ZFYVE1: variants seen among roughly 807,000 people sequenced by gnomAD.
The protein encoded by ZFYVE1 is zinc finger FYVE domain-containing protein 1.
A neutral mutation model predicts 74.4 loss-of-function variants in ZFYVE1; 30 were observed. The observed-to-expected ratio is 0.40, with a 90% CI of 0.30 to 0.55. ZFYVE1 has a LOEUF of 0.55. Among genes scored for constraint, ZFYVE1 ranks in the 20% least tolerant of loss-of-function variants. The probability of loss-of-function intolerance (pLI) is 0.42; values close to 1 mark genes in which losing one functional copy is unlikely to be tolerated. For missense variants in ZFYVE1, 703 were observed against 1,011.6 expected (o/e 0.69, Z 4.14); for synonymous variants, 335 against 385.1 (o/e 0.87, Z 1.52).
chr14:72,970,778 GAC>G lies in ZFYVE1; in HGVS notation c.*102_*103del. The G allele has an allele frequency of 7.9e-7, 1 of 1,259,812 alleles. No homozygotes were observed. The highest frequency in any genetic ancestry group is 1.1e-6 in the Non-Finnish European group (1 of 903,010). The allele number at this position is 1,259,812 out of a possible 1,614,324, so 78.0% of individuals were successfully genotyped here. On this transcript the variant is annotated 3_prime_UTR_variant, in exon 12 of 12. Transcript: ENST00000556143. ...GTGGCCCTGGATGCGGAGAGGAGAG[GAC>G]ACACACCACAGCAGGTGACTGGGAG... is the stretch of plus-strand genomic sequence containing the variant.
intron 2 of ZFYVE1, among the ~76,000 whole-genome samples, chr14:73,002,210 C>T (rs1318711059): frequency 6.6e-6 from 1 of 151,956 alleles, no homozygotes; most frequent in Non-Finnish European, 1.5e-5. Context: ...TTATATGAAA[C>T]GTCCAGAGCA....
At chr14:72,973,951 T>C (rs902577846) in intron 11 of ZFYVE1, 129 bp downstream of exon 11, 18 of 704,458 alleles carry the variant, frequency 2.6e-5, no homozygotes, top group Non-Finnish European at 3.9e-5. Flanking sequence ...ATGTGTGGCA[T>C]TGTGTAATTG....
chr14:72,994,322 C>CAAAAAAAAAAAAAAAAAA, intron 3 of ZFYVE1, among the ~76,000 whole-genome samples: 1 of 31,126 alleles, frequency 3.2e-5, no homozygotes, highest in Non-Finnish European at 5.7e-5. Flanking sequence ...GACGCTGTCT[C>CAAAAAAAAAAAAAAAAAA]AAAAAAAAAA....
chr14:72,986,702 G>A (rs918932018), intron 4 of ZFYVE1, among the ~76,000 whole-genome samples: 2 of 151,434 alleles, frequency 1.3e-5, no homozygotes, highest in East Asian at 1.9e-4. Flanking sequence ...CTGATTTTTT[G>A]TATTTTTAAT....
intron 5 of ZFYVE1, among the ~76,000 whole-genome samples, chr14:72,980,267 G>C (rs1004712763): frequency 2.0e-5 from 3 of 152,232 alleles, no homozygotes; most frequent in African/African-American, 7.2e-5. Flanking sequence ...ATTCATAACA[G>C]ATGTAGGTCA....
intron 2 of ZFYVE1, among the ~76,000 whole-genome samples, chr14:73,015,068 T>C (rs1309696271): frequency 6.6e-6 from 1 of 151,320 alleles, no homozygotes; most frequent in African/African-American, 2.4e-5. Context: ...CCGTCTCTAC[T>C]AAAAATACAA....
chr14:73,004,953 G>A (rs564015443), intron 2 of ZFYVE1, among the ~76,000 whole-genome samples: 11 of 146,400 alleles, frequency 7.5e-5, no homozygotes, highest in Non-Finnish European at 1.2e-4. Flanking sequence ...CCGAGATCAC[G>A]CCACTGTACT....
Position 72,975,408 on chromosome 14 carries a change from TC to T in ZFYVE1, c.1806+142del. 1 of 1,059,802 alleles carries T rather than the reference TC, an allele frequency of 9.4e-7. No homozygotes were observed. Among genetic ancestry groups the T allele is most frequent in the Non-Finnish European group, 1.3e-6 (1 of 742,592 alleles). 65.6% of individuals were successfully genotyped at this position (1,059,802 alleles called of 1,614,324 possible). A position where few individuals can be genotyped will look rare whatever the true frequency, so the allele number is the denominator to read the frequency against. On this transcript the variant is annotated intron_variant, in intron 9 of 11. Coordinates refer to ENST00000556143, the MANE Select transcript of ZFYVE1 (RefSeq NM_021260.4). The surrounding 1 kb of genome is among the most constrained non-coding windows in gnomAD (Gnocchi z 4.1). ...AGAAACTGGCTGCCTCAACGACTCC[TC>T]CCCTTGCCGGTACTCACAGAGCTCA... is the stretch of plus-strand genomic sequence containing the variant.
At chr14:73,016,210 G>C (rs183100155) in intron 2 of ZFYVE1, among the ~76,000 whole-genome samples, 36 of 152,234 alleles carry the variant, frequency 2.4e-4, no homozygotes, top group African/African-American at 8.7e-4. Flanking sequence ...TATTTATTAT[G>C]ACCTCTAAAT....
In ZFYVE1 at chr14:72,998,199, AGT is replaced by A. The variant is rs750762283; in HGVS notation, c.598_599del (p.Thr200PhefsTer6). The stretch of plus-strand genomic sequence containing the variant: ...TAAAGACTTCACGACCATAAAAGAA[AGT>A]GTGGTTGAGAGTATGAGACTTTCCA... Reference protein sequence around the residue: ...GDGKSHTLNHTFFYGREVFKT... With the variant: ...GDGKSHTLNHXFFYGREVFKT... On this transcript the variant is annotated frameshift_variant, in exon 3 of 12. Coordinates refer to ENST00000556143, the MANE Select transcript of ZFYVE1 (RefSeq NM_021260.4). LOFTEE classifies it high-confidence loss of function. 6.2e-7 allele frequency: 1 copy of A among 1,613,840 alleles called. No homozygotes were observed. Among genetic ancestry groups the A allele is most frequent in the Non-Finnish European group, 8.5e-7 (1 of 1,179,996 alleles).
intron 4 of ZFYVE1, among the ~76,000 whole-genome samples, chr14:72,985,236 G>A (rs2140354735): frequency 6.6e-6 from 1 of 152,222 alleles, no homozygotes; most frequent in South Asian, 2.1e-4. Context: ...GCTCACTGCA[G>A]CATCACCCTC....
intron 5 of ZFYVE1, among the ~76,000 whole-genome samples, chr14:72,979,806 G>T (rs1170321170): frequency 6.6e-6 from 1 of 152,048 alleles, no homozygotes; most frequent in Non-Finnish European, 1.5e-5. Context: ...AGATGAAATG[G>T]AACGTTTACC....
intron 2 of ZFYVE1, among the ~76,000 whole-genome samples, chr14:73,004,097 G>A (rs938106007): frequency 1.3e-5 from 2 of 152,176 alleles, no homozygotes; most frequent in African/African-American, 4.8e-5. Flanking sequence ...AGAGAAACAA[G>A]AAGTTACACA....
At chr14:73,016,501 G>A (rs1269199022) in intron 2 of ZFYVE1, among the ~76,000 whole-genome samples, 1 of 146,640 alleles carries the variant, frequency 6.8e-6, no homozygotes, top group African/African-American at 2.6e-5. Context: ...AACAGTGCAA[G>A]ATTCCGTCTC....
At chr14:72,987,968 T>C (rs1007397196) in intron 4 of ZFYVE1, among the ~76,000 whole-genome samples, 3 of 152,182 alleles carry the variant, frequency 2.0e-5, no homozygotes, top group Non-Finnish European at 2.9e-5. Flanking sequence ...AACAGCTGCA[T>C]AGCTCTCTCT....
chr14:73,017,269 G>A (rs527802761), intron 2 of ZFYVE1, among the ~76,000 whole-genome samples: 1 of 152,272 alleles, frequency 6.6e-6, no homozygotes, highest in African/African-American at 2.4e-5. Context: ...CAGCACTACT[G>A]ACCTTTTATA....
chr14:72,974,727 C>A, intron 10 of ZFYVE1, 52 bp downstream of exon 10: 1 of 1,552,018 alleles, frequency 6.4e-7, no homozygotes, highest in South Asian at 1.2e-5. Flanking sequence ...CACCCAGGGC[C>A]AATGTGGGAG....
At chr14:73,023,893 A>G in intron 2 of ZFYVE1, 133 bp downstream of exon 2, 4 of 1,301,630 alleles carry the variant, frequency 3.1e-6, no homozygotes, top group Non-Finnish European at 4.2e-6. Flanking sequence ...ACTCCATGCA[A>G]CTAAAGCCTC....
Position 73,019,360 on chromosome 14 carries a change from T to C in ZFYVE1, c.483+4666A>G, listed in dbSNP as rs552867140. ...ACTTGGGAGGCTGTAAGTGGAAGGA[T>C]TGCTTGAGCCCAGGAATTCAACGCC... is the stretch of plus-strand genomic sequence containing the variant. On this transcript the variant is annotated intron_variant, in intron 2 of 11. Transcript: ENST00000556143. Among the ~76,000 whole-genome samples the C allele has an allele frequency of 1.6e-3, 247 of 151,876 alleles. 1 individual carries two copies. Among genetic ancestry groups the C allele is most frequent in the Middle Eastern group, 0.014 (4 of 294 alleles).
Sources: allele counts gnomAD v4.1 joint callset (sites outside exome capture counted in the v4.1 genomes callset), GRCh38; gene constraint gnomAD v4.1.1; non-coding constraint Gnocchi (gnomAD v3.1); transcripts MANE v1.5; gene names NCBI Gene and HGNC (gene_info 2026-07-23, HGNC 2026-07-21).